CLSPN: variants seen among roughly 807,000 people sequenced by gnomAD.
The protein encoded by CLSPN is claspin homolog.
CLSPN carries 85 observed loss-of-function variants against 156.3 expected under a neutral mutation model. The ratio of observed to expected loss-of-function variants is 0.54; its 90% CI spans 0.46 to 0.65. The LOEUF is 0.65. Among genes scored for constraint, CLSPN ranks in the 30% least tolerant of loss-of-function variants. The pLI is 0.00. For missense variants in CLSPN, 1,407 were observed against 1,554.9 expected (o/e 0.90, Z 1.60); for synonymous variants, 534 against 542.4 (o/e 0.98, Z 0.22).
At chr1:35,729,784 G>T (rs566251799), downstream of CLSPN, among the ~76,000 whole-genome samples, 9 of 152,320 alleles carry the variant, frequency 5.9e-5, no homozygotes, top group East Asian at 1.5e-3. Context: ...TTCCTCAGCA[G>T]TGAGTTAGCC....
In CLSPN at chr1:35,769,876, C is replaced by T. The variant is rs749477462; in HGVS notation, c.-6G>A. On this transcript the variant is annotated 5_prime_UTR_variant, in exon 1 of 25. Coordinates refer to ENST00000318121, the MANE Select transcript of CLSPN (RefSeq NM_022111.4). ...GAACCCACCTCGCCTGTCATGACTTCTGCCTCCCCTGCGCTCCACTAGGGA... is the reference window on the plus strand; with the variant it reads ...GAACCCACCTCGCCTGTCATGACTTTTGCCTCCCCTGCGCTCCACTAGGGA... 2.5e-6 allele frequency: 4 copies of T among 1,609,822 alleles called. No homozygotes were observed. The highest frequency in any genetic ancestry group is 3.4e-6 in the Non-Finnish European group (4 of 1,178,122).
At chr1:35,739,556 A>T in intron 18 of CLSPN, 27 bp from the exon 19 acceptor site, 1 of 1,589,532 alleles carries the variant, frequency 6.3e-7, no homozygotes, top group African/African-American at 1.3e-5. Context: ...AGGATTAGAA[A>T]ATGCAACAAT....
intron 10 of CLSPN, among the ~76,000 whole-genome samples, chr1:35,750,466 A>G (rs1642043995): frequency 6.6e-6 from 1 of 151,846 alleles, no homozygotes; most frequent in East Asian, 1.9e-4. Context: ...TAGTGGCACA[A>G]TCTTGGCTCA....
intron 1 of CLSPN, 76 bp downstream of exon 1, chr1:35,769,771 G>T: frequency 7.0e-7 from 1 of 1,426,212 alleles, no homozygotes; most frequent in Non-Finnish European, 9.4e-7. Flanking sequence ...GGGTCAGCGG[G>T]GTCTACCCCG....
rs1230623045 is a variant in CLSPN, at chr1:35,763,166, CT to C, written c.737del (p.Lys246SerfsTer36). 6.4e-7 allele frequency: 1 copy of C among 1,566,656 alleles called. No homozygotes were observed. The highest frequency in any genetic ancestry group is 2.4e-5 in the East Asian group (1 of 42,140). On this transcript the variant is annotated frameshift_variant, in exon 4 of 25. Coordinates refer to ENST00000318121, the MANE Select transcript of CLSPN (RefSeq NM_022111.4). LOFTEE classifies it high-confidence loss of function. Reference protein sequence around the residue: ...IRAAVKNKVKKHKKKEPSLES... With the variant: ...IRAAVKNKVKXHKKKEPSLES... ...GCAATCATGCTTTACTTGCCTTGTG[CT>C]TTTTTACTTTGTTTTTTACAGCTGC...
chr1:35,735,260 G>A lies in CLSPN; in HGVS notation c.*1236C>T, dbSNP rs1641425854. 2.0e-6 allele frequency: 2 copies of A among 985,438 alleles called. No homozygotes were observed. Among genetic ancestry groups the A allele is most frequent in the Non-Finnish European group, 2.4e-6 (2 of 829,922 alleles). 61.0% of individuals were successfully genotyped at this position (985,438 alleles called of 1,614,324 possible). ...CAAGCCCCAGAAAATTAGAGGCAGA[G>A]TCTTTCTGACTTGGGTACCAGTTTA... On this transcript the variant is annotated 3_prime_UTR_variant, in exon 25 of 25. Transcript: ENST00000318121.
intron 14 of CLSPN, 45 bp from the exon 15 acceptor site, chr1:35,747,037 A>G (rs1344211192): frequency 6.6e-7 from 1 of 1,507,552 alleles, no homozygotes; most frequent in South Asian, 1.1e-5. Context: ...AATTCCTCAG[A>G]GAGGGCCGGG....
Position 35,765,379 on chromosome 1 carries a change from A to C in CLSPN, c.25-53T>G, listed in dbSNP as rs532997569. On this transcript the variant is annotated intron_variant, in intron 1 of 24. Coordinates refer to ENST00000318121, the MANE Select transcript of CLSPN (RefSeq NM_022111.4). ...AACCAGCAGGTGACCGAAAGCTCCA[A>C]GTACATAATGACACACAAATCATCG... 5 of 1,196,700 alleles carry C rather than the reference A, an allele frequency of 4.2e-6. No individual in the cohort carries two copies. The East Asian group carries it at 9.3e-5, about 22-fold the overall frequency. The allele number at this position is 1,196,700 out of a possible 1,614,324, so 74.1% of individuals were successfully genotyped here.
chr1:35,736,021 C>T lies in CLSPN; in HGVS notation c.*475G>A. 1.3e-6 allele frequency: 1 copy of T among 789,104 alleles called. No homozygotes were observed. Among genetic ancestry groups the T allele is most frequent in the Non-Finnish European group, 1.5e-6 (1 of 651,164 alleles). The allele number at this position is 789,104 out of a possible 1,614,324, so 48.9% of individuals were successfully genotyped here. On this transcript the variant is annotated 3_prime_UTR_variant, in exon 25 of 25. Coordinates refer to ENST00000318121, the MANE Select transcript of CLSPN (RefSeq NM_022111.4). ...TCATTTGAGGTCAGGAGTTCAAGACCAGCCTGGCCAACATGGTGAAACCCC... is the reference window on the plus strand; with the variant it reads ...TCATTTGAGGTCAGGAGTTCAAGACTAGCCTGGCCAACATGGTGAAACCCC...
chr1:35,765,585 T>C (rs907507950), intron 1 of CLSPN, among the ~76,000 whole-genome samples: 1 of 152,252 alleles, frequency 6.6e-6, no homozygotes, highest in African/African-American at 2.4e-5. Context: ...GCATTTATTA[T>C]GCCTTTTCTG....
intron 9 of CLSPN, among the ~76,000 whole-genome samples, chr1:35,752,856 A>G (rs1642140059): frequency 6.6e-6 from 1 of 152,274 alleles, no homozygotes. Flanking sequence ...TGTCACACAC[A>G]TTCACAAAAT....
chr1:35,736,923 A>G lies in CLSPN; in HGVS notation c.3900T>C (p.Ser1300=), dbSNP rs1258216412. 2.5e-6 allele frequency: 4 copies of G among 1,614,104 alleles called. No individual in the cohort carries two copies. The highest frequency in any genetic ancestry group is 2.5e-6 in the Non-Finnish European group (3 of 1,179,978). The change falls in exon 24 of 25, where the codon TCT becomes TCC. Residue 1300 remains serine (S), a synonymous_variant. Coordinates refer to ENST00000318121, the MANE Select transcript of CLSPN (RefSeq NM_022111.4). Reference sequence around the variant, plus strand: ...TTCTCAAATTCCATACCTGAGACTTAGACGATTCCTTTGCCGCCTCAGCCT... The same window carrying G: ...TTCTCAAATTCCATACCTGAGACTTGGACGATTCCTTTGCCGCCTCAGCCT... The part of the protein sequence containing the change: ...PVKAEAAKES[S]KSQVKKRGPS...
intron 24 of CLSPN, among the ~76,000 whole-genome samples, chr1:35,726,481 T>G (rs1047509177): frequency 7.9e-5 from 12 of 152,074 alleles, no homozygotes; most frequent in Non-Finnish European, 1.5e-4. Context: ...TGGGTGGTGG[T>G]GGTGGGGGTG....
downstream of CLSPN, among the ~76,000 whole-genome samples, chr1:35,728,220 C>A (rs1641238169): frequency 6.6e-6 from 1 of 151,860 alleles, no homozygotes. Flanking sequence ...TAGTTGGAAC[C>A]ACAGGTGCAT....
At chr1:35,737,941 C>T in intron 22 of CLSPN, 51 bp downstream of exon 22, 1 of 1,030,674 alleles carries the variant, frequency 9.7e-7, no homozygotes, top group South Asian at 2.2e-5. Context: ...CTCCAAAGCT[C>T]TACCACTAAC....
chr1:35,751,222 G>A lies in CLSPN; in HGVS notation c.2028+28C>T, dbSNP rs776862345. The A allele has an allele frequency of 4.8e-5, 77 of 1,590,900 alleles. No homozygotes were observed. In the Middle Eastern group the frequency reaches 5.8e-4, roughly 12 times the overall value. ...TTTCTCTCATATTCACCATGACAAG[G>A]TAACAAAACAACGTAATTGCCAGAA... On this transcript the variant is annotated intron_variant, in intron 10 of 24. Coordinates refer to ENST00000318121, the MANE Select transcript of CLSPN (RefSeq NM_022111.4).
chr1:35,762,082 C>G lies in CLSPN; in HGVS notation c.823-12G>C, dbSNP rs374089113. 1 of 1,570,310 alleles carries G rather than the reference C, an allele frequency of 6.4e-7. No homozygotes were observed. Among genetic ancestry groups the G allele is most frequent in the Admixed American group, 1.7e-5 (1 of 59,740 alleles). ...GCTGCCTTTCTTTCCTTAAAGAAAA[C>G]AAGAAGTGAGACTACATTAATTATA... On this transcript the variant is annotated splice_polypyrimidine_tract_variant and intron_variant, in intron 5 of 24. Transcript: ENST00000318121.
At chr1:35,761,452 C>T (rs1268475793) in intron 6 of CLSPN, among the ~76,000 whole-genome samples, 1 of 152,162 alleles carries the variant, frequency 6.6e-6, no homozygotes. Context: ...TTCGAATCTA[C>T]TGAATCAGAA....
At chr1:35,720,452 T>TG (rs1419324306) in exon 25 of CLSPN, 2 of 140,378 alleles carry the variant, frequency 1.4e-5, no homozygotes, top group Non-Finnish European at 3.0e-5. Flanking sequence ...CTTTTTTTTT[T>TG]TTTTTTTTTT....
Sources: gnomAD v4.1 joint callset for allele counts (sites outside exome capture counted in the v4.1 genomes callset) on GRCh38, gnomAD v4.1.1 for gene constraint, MANE v1.5 for transcripts, NCBI Gene and HGNC (gene_info 2026-07-23, HGNC 2026-07-21) for gene names.